Variants in IFT52 observed in about 807,000 individuals in gnomAD.
IFT52 encodes the protein intraflagellar transport protein 52 homolog.
A neutral mutation model predicts 54.4 loss-of-function variants in IFT52; 44 were observed. That is an observed-to-expected ratio of 0.81 (90% CI 0.63 to 1.04). The LOEUF is 1.04. Among genes scored for constraint, IFT52 ranks in the 50% least tolerant of loss-of-function variants. The pLI is 0.00. For synonymous variants in IFT52, 181 were observed against 185.3 expected, an observed-to-expected ratio of 0.98 and a Z score of 0.19; for missense variants, 452 against 523.6, an observed-to-expected ratio of 0.86 and a Z score of 1.33.
chr20:43,600,405 C>T (rs777894996), intron 3 of IFT52, among the ~76,000 whole-genome samples: 2 of 151,518 alleles, frequency 1.3e-5, no homozygotes, highest in African/African-American at 4.8e-5. Context: ...CCCGGGTTCA[C>T]GCCATTCTCC....
At chr20:43,635,206 T>C (rs1985445223) in intron 10 of IFT52, among the ~76,000 whole-genome samples, 1 of 149,306 alleles carries the variant, frequency 6.7e-6, no homozygotes, top group Non-Finnish European at 1.5e-5. Flanking sequence ...AAAAAGGACA[T>C]GTGGTATTTG....
intron 8 of IFT52, among the ~76,000 whole-genome samples, chr20:43,619,480 G>A (rs549370884): frequency 5.3e-5 from 8 of 152,224 alleles, no homozygotes; most frequent in African/African-American, 1.9e-4. Context: ...AGATTCTTCT[G>A]TCAGTTGTGT....
chr20:43,591,739 A>AG (rs1346833215), intron 1 of IFT52, among the ~76,000 whole-genome samples: 96 of 152,318 alleles, frequency 6.3e-4, no homozygotes, highest in African/African-American at 2.2e-3. Context: ...AAGGTATAGC[A>AG]ATTAAACTAG....
At chr20:43,616,420 A>G (rs1260674706) in intron 7 of IFT52, among the ~76,000 whole-genome samples, 1 of 151,704 alleles carries the variant, frequency 6.6e-6, no homozygotes, top group African/African-American at 2.4e-5. Context: ...GAGGCAAGAG[A>G]ATCACTTGAA....
At chr20:43,642,157 T>C (rs1197576830) in intron 12 of IFT52, 1 of 228,202 alleles carries the variant, frequency 4.4e-6, no homozygotes, top group African/African-American at 2.3e-5. Flanking sequence ...TAGTCATCTT[T>C]GTTGCATTCA....
At chr20:43,620,631 G>A (rs1984221130) in intron 8 of IFT52, among the ~76,000 whole-genome samples, 1 of 152,196 alleles carries the variant, frequency 6.6e-6, no homozygotes, top group South Asian at 2.1e-4. Flanking sequence ...ACTCTAACCA[G>A]GGCGACGGAG....
chr20:43,623,913 C>T lies in IFT52; in HGVS notation c.791C>T (p.Pro264Leu). 6.2e-7 allele frequency: 1 copy of T among 1,614,070 alleles called. No individual in the cohort carries two copies. Among genetic ancestry groups the T allele is most frequent in the Non-Finnish European group, 8.5e-7 (1 of 1,179,978 alleles). ...CAGATTTCTGACTACATGATGCTGCCCTACACAGCCACCCTATCAAAGCGG... is the reference window on the plus strand; with the variant it reads ...CAGATTTCTGACTACATGATGCTGCTCTACACAGCCACCCTATCAAAGCGG... ...DPEISDYMML[P>L]YTATLSKRNR... Residue 264 changes from proline (P) to leucine (L), a missense_variant, in exon 10 of 14, where the codon CCC (proline) becomes CTC (leucine). Coordinates refer to ENST00000373030, the MANE Select transcript of IFT52 (RefSeq NM_016004.5).
intron 11 of IFT52, 57 bp from the exon 12 acceptor site, chr20:43,637,086 CTT>C: frequency 8.5e-7 from 1 of 1,180,424 alleles, no homozygotes; most frequent in Non-Finnish European, 1.3e-6. Flanking sequence ...TCTTGAGAGA[CTT>C]TATTTCCTTT....
chr20:43,631,562 C>T (rs1458917350), intron 10 of IFT52, among the ~76,000 whole-genome samples: 1 of 152,242 alleles, frequency 6.6e-6, no homozygotes, highest in Non-Finnish European at 1.5e-5. Flanking sequence ...CAATATTTTA[C>T]TTTGCCTCTT....
intron 7 of IFT52, among the ~76,000 whole-genome samples, chr20:43,616,883 T>C (rs1448674703): frequency 1.3e-5 from 2 of 151,958 alleles, no homozygotes; most frequent in East Asian, 3.9e-4. Flanking sequence ...TGTGGTGTTA[T>C]GCTCCTGTAG....
At chr20:43,631,807 G>T (rs1250244482) in intron 10 of IFT52, among the ~76,000 whole-genome samples, 1 of 152,052 alleles carries the variant, frequency 6.6e-6, no homozygotes. Context: ...TCTTGCCTCT[G>T]CCAGGGACAC....
At chr20:43,625,608 G>A (rs978462259) in intron 10 of IFT52, among the ~76,000 whole-genome samples, 4 of 152,206 alleles carry the variant, frequency 2.6e-5, no homozygotes, top group Non-Finnish European at 5.9e-5. Context: ...CTATCTGAGG[G>A]AAGAGTATTC....
intron 10 of IFT52, among the ~76,000 whole-genome samples, chr20:43,629,113 A>C (rs1464381362): frequency 2.0e-5 from 3 of 152,192 alleles, no homozygotes; most frequent in Non-Finnish European, 4.4e-5. Flanking sequence ...CAAGTAGTAT[A>C]AAGAGGAAGG....
intron 12 of IFT52, among the ~76,000 whole-genome samples, chr20:43,640,546 C>T (rs954255562): frequency 2.0e-5 from 3 of 152,142 alleles, no homozygotes; most frequent in African/African-American, 7.2e-5. Context: ...ATGAAGTCAA[C>T]TTAGAAAACT....
At position 43,636,024 on chromosome 20, in the gene IFT52, G is replaced by C; in HGVS notation, c.1011+11G>C. The C allele has an allele frequency of 6.2e-7, 1 of 1,613,300 alleles. No individual in the cohort carries two copies. Among genetic ancestry groups the C allele is most frequent in the Non-Finnish European group, 8.5e-7 (1 of 1,179,342 alleles). On this transcript the variant is annotated intron_variant, in intron 11 of 13. Transcript: ENST00000373030. ...ACCCTTCAGCCTGCGGTGAGTAGGT[G>C]TGCTTGGGAGATCCCACTGCAGAGC... is the stretch of plus-strand genomic sequence containing the variant.
chr20:43,645,107 A>G lies in IFT52; in HGVS notation c.1267-1829A>G, dbSNP rs1439435567. 3.5e-5 allele frequency among the ~76,000 whole-genome samples: 2 copies of G among 57,960 alleles called. 1 individual carries two copies. The highest frequency in any genetic ancestry group is 4.0e-4 in the Admixed American group (2 of 5,000). The allele number at this position is 57,960 out of a possible 152,430, so 38.0% of individuals were successfully genotyped here. A position where few individuals can be genotyped will look rare whatever the true frequency, so the allele number is the denominator to read the frequency against. On this transcript the variant is annotated intron_variant, in intron 13 of 13. Transcript: ENST00000373030. ...GGGCAACAGAGTAAGACTCAAAAAA[A>G]AAAAAGTTTAAGGACTTGGGAATAC...
chr20:43,619,087 A>T, intron 8 of IFT52, 61 bp downstream of exon 8: 1 of 1,169,130 alleles, frequency 8.6e-7, no homozygotes, highest in Non-Finnish European at 1.3e-6. Flanking sequence ...TCATTTAAAA[A>T]AATACTGGTA....
At chr20:43,619,580 G>A (rs1444535369) in intron 8 of IFT52, among the ~76,000 whole-genome samples, 1 of 152,154 alleles carries the variant, frequency 6.6e-6, no homozygotes, top group Non-Finnish European at 1.5e-5. Flanking sequence ...AATTACGGGA[G>A]TCAAGGTGTG....
chr20:43,592,988 A>G (rs1255281902), intron 1 of IFT52, among the ~76,000 whole-genome samples: 1 of 152,168 alleles, frequency 6.6e-6, no homozygotes, highest in Non-Finnish European at 1.5e-5. Flanking sequence ...AGTCCCAGCT[A>G]CCCATGAGGT....
Sources: allele counts gnomAD v4.1 joint callset (sites outside exome capture counted in the v4.1 genomes callset), GRCh38; gene constraint gnomAD v4.1.1; transcripts MANE v1.5; gene names NCBI Gene and HGNC (gene_info 2026-07-23, HGNC 2026-07-21).